IL1RAPL1: variants seen among roughly 807,000 people sequenced by gnomAD.
IL1RAPL1 encodes interleukin-1 receptor accessory protein-like 1.
IL1RAPL1 carries 3 observed loss-of-function variants against 48.4 expected under a neutral mutation model. The ratio of observed to expected loss-of-function variants is 0.06; its 90% CI spans 0.03 to 0.16. IL1RAPL1 has a LOEUF of 0.16. IL1RAPL1 is among the 10% of genes least tolerant of loss of function. IL1RAPL1 has a pLI of 1.00. For synonymous variants in IL1RAPL1, 185 were observed against 187.7 expected (o/e 0.99, Z 0.12); for missense variants, 349 against 530.6 (o/e 0.66, Z 3.36).
chrX:29,272,535 C>T (rs1156929260), intron 2 of IL1RAPL1, among the ~76,000 whole-genome samples: 3 of 111,320 alleles, frequency 2.7e-5, no homozygotes, highest in Non-Finnish European at 5.7e-5. Context: ...GTTAGCCTCA[C>T]GGGGTTCCTT....
Position 29,869,627 on chromosome X carries a change from T to C in IL1RAPL1, c.779-47837T>C, listed in dbSNP as rs1286004220. Among the ~76,000 whole-genome samples, 4 of 111,439 alleles carry C rather than the reference T, an allele frequency of 3.6e-5. No individual in the cohort carries two copies. The Admixed American group carries it at 3.8e-4, about 11-fold the overall frequency. On this transcript the variant is annotated intron_variant, in intron 6 of 10. Transcript: ENST00000378993. ...ACAGTTATCTCTTTATTATAAAATGTCCTTGACTACAAGGAGGTGTAAATA... is the reference window on the plus strand; with the variant it reads ...ACAGTTATCTCTTTATTATAAAATGCCCTTGACTACAAGGAGGTGTAAATA...
At chrX:29,669,487 T>A (rs1251067240) in intron 6 of IL1RAPL1, among the ~76,000 whole-genome samples, 15 of 111,504 alleles carry the variant, frequency 1.3e-4, no homozygotes, top group Non-Finnish European at 2.6e-4. Context: ...GCATCAAAAT[T>A]GTAAATTCAT....
chrX:29,337,824 G>A (rs1291670540), intron 3 of IL1RAPL1, among the ~76,000 whole-genome samples: 3 of 109,898 alleles, frequency 2.7e-5, no homozygotes, highest in Non-Finnish European at 5.7e-5. Flanking sequence ...ACAGGTGCCC[G>A]TCACCACGCC....
intron 3 of IL1RAPL1, among the ~76,000 whole-genome samples, chrX:29,293,492 T>A (rs1416498652): frequency 9.0e-6 from 1 of 111,052 alleles, no homozygotes; most frequent in Non-Finnish European, 1.9e-5. Flanking sequence ...TAATATGGAG[T>A]AGATAGAGTA....
At chrX:28,723,587 A>T (rs778681825) in intron 1 of IL1RAPL1, among the ~76,000 whole-genome samples, 17 of 111,117 alleles carry the variant, frequency 1.5e-4, no homozygotes, top group Non-Finnish European at 3.2e-4. Flanking sequence ...TTGTGTCTCT[A>T]TCTCCTTCAG....
At chrX:28,628,125 C>G (rs1446333859) in intron 1 of IL1RAPL1, among the ~76,000 whole-genome samples, 2 of 111,464 alleles carry the variant, frequency 1.8e-5, no homozygotes, top group East Asian at 5.7e-4. Flanking sequence ...TCATGTAGCT[C>G]TGATAATCCA....
intron 1 of IL1RAPL1, among the ~76,000 whole-genome samples, chrX:28,735,546 G>C (rs1935811556): frequency 9.0e-6 from 1 of 110,750 alleles, no homozygotes; most frequent in Admixed American, 9.7e-5. Context: ...GGGAGGCCGA[G>C]GTGGAAGGAT....
At chrX:29,116,093 C>T (rs1343018478) in intron 2 of IL1RAPL1, among the ~76,000 whole-genome samples, 5 of 111,176 alleles carry the variant, frequency 4.5e-5, no homozygotes, top group African/African-American at 1.6e-4. Context: ...ATACTTTAAT[C>T]TTCAATATTA....
chrX:29,600,364 G>A (rs1349903135), intron 5 of IL1RAPL1, among the ~76,000 whole-genome samples: 1 of 111,971 alleles, frequency 8.9e-6, no homozygotes, highest in African/African-American at 3.3e-5. Flanking sequence ...AAAGAGTCCT[G>A]TGATGTGATC....
At chrX:29,135,225 G>A (rs184003836) in intron 2 of IL1RAPL1, among the ~76,000 whole-genome samples, 2 of 111,231 alleles carry the variant, frequency 1.8e-5, no homozygotes, top group East Asian at 5.6e-4. Context: ...TTTATTTATT[G>A]AATAATCAAA....
intron 2 of IL1RAPL1, among the ~76,000 whole-genome samples, chrX:28,823,618 G>C (rs776731793): frequency 1.8e-5 from 2 of 111,643 alleles, no homozygotes; most frequent in African/African-American, 6.5e-5. Flanking sequence ...GGGTATATGG[G>C]TTAAAATTAA....
intron 2 of IL1RAPL1, among the ~76,000 whole-genome samples, chrX:29,248,386 G>A (rs1931552913): frequency 1.8e-5 from 2 of 111,858 alleles, no homozygotes; most frequent in Non-Finnish European, 3.8e-5. Context: ...TCATGCCACT[G>A]CACTACAGCC....
chrX:28,915,113 C>T (rs1394854873), intron 2 of IL1RAPL1, among the ~76,000 whole-genome samples: 1 of 111,452 alleles, frequency 9.0e-6, no homozygotes, highest in Non-Finnish European at 1.9e-5. Context: ...GAGCATGCAG[C>T]CTAGATCCCT....
intron 2 of IL1RAPL1, among the ~76,000 whole-genome samples, chrX:28,891,982 T>C (rs113763622): frequency 0.012 from 1,306 of 111,888 alleles, 16 homozygotes; most frequent in African/African-American, 0.04. Flanking sequence ...ATACAGAACA[T>C]ATTTTCATAT....
chrX:29,402,143 T>G (rs1476273433), intron 5 of IL1RAPL1, among the ~76,000 whole-genome samples: 1 of 111,767 alleles, frequency 8.9e-6, no homozygotes, highest in Non-Finnish European at 1.9e-5. Flanking sequence ...AATTTTTTTC[T>G]TTTAAATTAA....
intron 5 of IL1RAPL1, among the ~76,000 whole-genome samples, chrX:29,630,830 G>C (rs745452920): frequency 8.9e-6 from 1 of 112,094 alleles, no homozygotes; most frequent in Non-Finnish European, 1.9e-5. Flanking sequence ...GAGCCACCGC[G>C]CCCAGCCCTC....
intron 6 of IL1RAPL1, among the ~76,000 whole-genome samples, chrX:29,682,891 G>T (rs1926500564): frequency 8.9e-6 from 1 of 112,110 alleles, no homozygotes; most frequent in Non-Finnish European, 1.9e-5. Context: ...AAAGGCCTAG[G>T]AGTCTGGCTA....
In IL1RAPL1 at chrX:29,173,275, CACTT is replaced by C. The variant is rs773269971; in HGVS notation, c.83-109661_83-109658del. On this transcript the variant is annotated intron_variant, in intron 2 of 10. Coordinates refer to ENST00000378993, the MANE Select transcript of IL1RAPL1 (RefSeq NM_014271.4). ...GAAAAACAGCTAATAAAAAAATAAA[CACTT>C]AAATAAAGTATTATCAAGAAAGCTG... Among the ~76,000 whole-genome samples the C allele has an allele frequency of 3.3e-4, 37 of 111,839 alleles. 1 individual carries two copies. In the East Asian group the frequency reaches 8.7e-3, roughly 26 times the overall value.
At chrX:28,730,254 G>T (rs972721165) in intron 1 of IL1RAPL1, among the ~76,000 whole-genome samples, 1 of 111,196 alleles carries the variant, frequency 9.0e-6, no homozygotes, top group African/African-American at 3.3e-5. Context: ...GCACATATTG[G>T]TCTCAAAAAT....
Sources: gnomAD v4.1 joint callset for allele counts (sites outside exome capture counted in the v4.1 genomes callset) on GRCh38, gnomAD v4.1.1 for gene constraint, MANE v1.5 for transcripts, NCBI Gene and HGNC (gene_info 2026-07-23, HGNC 2026-07-21) for gene names.